Variants in GALNTL6 observed in about 807,000 individuals in gnomAD.
GALNTL6 encodes the protein polypeptide N-acetylgalactosaminyltransferase-like 6.
A neutral mutation model predicts 73.7 loss-of-function variants in GALNTL6; 46 were observed. The ratio of observed to expected loss-of-function variants is 0.62; its 90% confidence interval spans 0.49 to 0.80. The LOEUF (loss-of-function observed/expected upper bound fraction) is 0.80, where lower values mean the gene tolerates loss of function less well. Among genes scored for constraint, GALNTL6 ranks in the 30% least tolerant of loss-of-function variants. The pLI is 0.00. For synonymous variants in GALNTL6, 259 were observed against 263.7 expected (o/e 0.98, Z 0.17); for missense variants, 604 against 755.0 (o/e 0.80, Z 2.34).
intron 2 of GALNTL6, among the ~76,000 whole-genome samples, chr4:172,162,088 G>T (rs896293075): frequency 6.6e-6 from 1 of 151,844 alleles, no homozygotes; most frequent in Non-Finnish European, 1.5e-5. Context: ...GAGAAAATAC[G>T]AACATATTTG....
chr4:172,261,533 T>C (rs1738257043), intron 3 of GALNTL6, among the ~76,000 whole-genome samples: 1 of 151,600 alleles, frequency 6.6e-6, no homozygotes, highest in South Asian at 2.1e-4. Context: ...TCGATCACTT[T>C]TGATTATTTT....
intron 5 of GALNTL6, among the ~76,000 whole-genome samples, chr4:172,754,818 A>G (rs1290295951): frequency 6.6e-6 from 1 of 150,608 alleles, no homozygotes; most frequent in African/African-American, 2.4e-5. Context: ...ATCCACAACA[A>G]AAACTCAAGG....
intron 2 of GALNTL6, among the ~76,000 whole-genome samples, chr4:172,156,599 T>C (rs1734299101): frequency 2.2e-5 from 3 of 138,506 alleles, no homozygotes; most frequent in Non-Finnish European, 3.1e-5. Context: ...ATTGTACTTC[T>C]CTTTATCTTT....
intron 8 of GALNTL6, among the ~76,000 whole-genome samples, chr4:172,898,407 T>A (rs1746444523): frequency 2.2e-5 from 3 of 134,206 alleles, no homozygotes; most frequent in East Asian, 2.2e-4. Flanking sequence ...CAAAAGAAAA[T>A]AAAGAGCAAA....
At chr4:172,090,217 GT>G (rs1269059593) in intron 2 of GALNTL6, among the ~76,000 whole-genome samples, 2 of 152,140 alleles carry the variant, frequency 1.3e-5, no homozygotes, top group Non-Finnish European at 2.9e-5. Flanking sequence ...TATATACCCA[GT>G]AATAAAATTG....
At chr4:171,942,241 GATAA>G (rs994011783) in intron 2 of GALNTL6, among the ~76,000 whole-genome samples, 2 of 30,154 alleles carry the variant, frequency 6.6e-5, no homozygotes, top group East Asian at 8.1e-4. Flanking sequence ...AAAATAAATA[GATAA>G]ATAAATAAAT....
intron 2 of GALNTL6, among the ~76,000 whole-genome samples, chr4:172,043,904 A>C (rs2110845078): frequency 6.6e-6 from 1 of 152,184 alleles, no homozygotes; most frequent in African/African-American, 2.4e-5. Context: ...CATGCATATT[A>C]AATAGAGAAA....
At position 172,034,395 on chromosome 4, in the gene GALNTL6, C is replaced by CGTGTGTGT. The variant is rs1180185966; in HGVS notation, c.139-195258_139-195257insTGTGTGTG. Among the ~76,000 whole-genome samples the CGTGTGTGT allele has an allele frequency of 2.1e-3, 293 of 139,672 alleles. 2 individuals are homozygous for CGTGTGTGT. Among genetic ancestry groups the CGTGTGTGT allele is most frequent in the African/African-American group, 6.3e-3 (237 of 37,362 alleles). The allele number at this position is 139,672 out of a possible 152,430, so 91.6% of individuals were successfully genotyped here. ...TCTATTCTTCCTTAAGGGGAGCGTG[C>CGTGTGTGT]GTGCGTGTGTGTGTGTGTGTGTGTG... On this transcript the variant is annotated intron_variant, in intron 2 of 12. Coordinates refer to ENST00000506823, the MANE Select transcript of GALNTL6 (RefSeq NM_001034845.3).
intron 5 of GALNTL6, among the ~76,000 whole-genome samples, chr4:172,720,197 A>T (rs749829084): frequency 3.5e-4 from 54 of 152,124 alleles, no homozygotes; most frequent in Non-Finnish European, 6.2e-4. Flanking sequence ...TAGTTCAGCT[A>T]ATGACGGGGT....
intron 2 of GALNTL6, among the ~76,000 whole-genome samples, chr4:172,105,457 T>A (rs954673986): frequency 6.6e-6 from 1 of 151,974 alleles, no homozygotes; most frequent in African/African-American, 2.4e-5. Flanking sequence ...AGTTTTTTTT[T>A]AATTATAGAA....
intron 3 of GALNTL6, among the ~76,000 whole-genome samples, chr4:172,294,039 T>G (rs1233242676): frequency 1.3e-5 from 2 of 151,650 alleles, no homozygotes; most frequent in African/African-American, 2.4e-5. Context: ...TTTTCCTTAT[T>G]ATATAGTAAA....
intron 5 of GALNTL6, among the ~76,000 whole-genome samples, chr4:172,701,292 C>A (rs1319147388): frequency 6.6e-6 from 1 of 152,008 alleles, no homozygotes; most frequent in Non-Finnish European, 1.5e-5. Context: ...ATTAATCATG[C>A]AGAAAAGTTC....
chr4:172,337,921 T>G (rs1741402551), intron 4 of GALNTL6, among the ~76,000 whole-genome samples: 1 of 152,244 alleles, frequency 6.6e-6, no homozygotes, highest in Middle Eastern at 3.4e-3. Flanking sequence ...ATTCATAGGT[T>G]TGATTGCTTT....
intron 2 of GALNTL6, among the ~76,000 whole-genome samples, chr4:171,954,803 A>T (rs1738994540): frequency 6.6e-6 from 1 of 152,068 alleles, no homozygotes; most frequent in Non-Finnish European, 1.5e-5. Flanking sequence ...CTCTCTTGAC[A>T]GTGAGTGAGT....
intron 5 of GALNTL6, chr4:172,379,922 C>G (rs1467296346): frequency 6.7e-6 from 4 of 598,408 alleles, no homozygotes; most frequent in Non-Finnish European, 3.0e-6. Context: ...GAAGTCTGGG[C>G]TTTTATTCTG....
At chr4:172,737,676 T>C (rs191593461) in intron 5 of GALNTL6, among the ~76,000 whole-genome samples, 13 of 152,340 alleles carry the variant, frequency 8.5e-5, no homozygotes, top group African/African-American at 2.2e-4. Flanking sequence ...CTCTTGTTTC[T>C]TGTGGGTATA....
At chr4:172,300,227 A>G (rs1739858335) in intron 3 of GALNTL6, among the ~76,000 whole-genome samples, 1 of 151,976 alleles carries the variant, frequency 6.6e-6, no homozygotes, top group African/African-American at 2.4e-5. Context: ...TGCTTGGTAG[A>G]TCTTCCTTCA....
intron 2 of GALNTL6, among the ~76,000 whole-genome samples, chr4:172,200,636 A>T (rs1735921934): frequency 6.6e-6 from 1 of 152,160 alleles, no homozygotes; most frequent in Non-Finnish European, 1.5e-5. Context: ...ATTTTGCTTC[A>T]TTTTATTTCT....
chr4:172,223,483 G>C (rs1736755477), intron 2 of GALNTL6, among the ~76,000 whole-genome samples: 1 of 152,132 alleles, frequency 6.6e-6, no homozygotes, highest in Non-Finnish European at 1.5e-5. Flanking sequence ...TCTTCAGTTA[G>C]AGAGTCTTTC....
Sources: gnomAD v4.1 joint callset for allele counts (sites outside exome capture counted in the v4.1 genomes callset) on GRCh38, gnomAD v4.1.1 for gene constraint, MANE v1.5 for transcripts, NCBI Gene and HGNC (gene_info 2026-07-23, HGNC 2026-07-21) for gene names.